Variants in KAT2B observed in about 807,000 individuals in gnomAD.
KAT2B encodes the protein lysine acetyltransferase 2B, also known as histone acetyltransferase KAT2B.
In KAT2B, 36 loss-of-function variants were observed where a neutral mutation model predicts 105.9. That is an observed-to-expected ratio of 0.34 (90% CI 0.26 to 0.45). The LOEUF (loss-of-function observed/expected upper bound fraction) is 0.45. Among genes scored for constraint, KAT2B ranks in the 20% least tolerant of loss-of-function variants. The pLI, the probability that KAT2B is intolerant of heterozygous loss-of-function variation, is 1.00. For missense variants in KAT2B, 820 were observed against 1,021.6 expected, an observed-to-expected ratio of 0.80 and a Z score of 2.69; for synonymous variants, 397 against 377.9, an observed-to-expected ratio of 1.05 and a Z score of -0.59.
At chr3:20,083,315 A>C (rs1214272320) in intron 2 of KAT2B, among the ~76,000 whole-genome samples, 1 of 152,200 alleles carries the variant, frequency 6.6e-6, no homozygotes, top group Non-Finnish European at 1.5e-5. Flanking sequence ...AAGAAAACAT[A>C]CTTTTAGATA....
chr3:20,063,699 T>A (rs1034495061), intron 1 of KAT2B, among the ~76,000 whole-genome samples: 2 of 150,822 alleles, frequency 1.3e-5, no homozygotes, highest in Non-Finnish European at 3.0e-5. Context: ...TGAGCCACCA[T>A]GCCCGGTTAA....
chr3:20,063,945 G>A (rs903610234), intron 1 of KAT2B, among the ~76,000 whole-genome samples: 4 of 152,102 alleles, frequency 2.6e-5, no homozygotes, highest in African/African-American at 7.2e-5. Context: ...CAGATACCTA[G>A]TTTTTCCAGC....
intron 1 of KAT2B, among the ~76,000 whole-genome samples, chr3:20,069,529 C>CTTTTT (rs754535544): frequency 3.7e-5 from 3 of 81,564 alleles, no homozygotes; most frequent in South Asian, 4.4e-4. Context: ...CTTTTCTTTT[C>CTTTTT]TTTTTTTTTT....
intron 1 of KAT2B, among the ~76,000 whole-genome samples, chr3:20,058,861 C>T (rs56900166): frequency 1.3e-5 from 2 of 152,282 alleles, no homozygotes; most frequent in Admixed American, 1.3e-4. Context: ...ATCTTTATCT[C>T]TTCAAATCTT....
chr3:20,130,926 G>A (rs1033967599), intron 11 of KAT2B, among the ~76,000 whole-genome samples: 32 of 150,500 alleles, frequency 2.1e-4, no homozygotes, highest in Admixed American at 6.0e-4. Flanking sequence ...GCATGCGTGC[G>A]TGTGTGTGTG....
At position 20,137,203 on chromosome 3, in the gene KAT2B, G is replaced by C. The variant is rs529916287; in HGVS notation, c.1860+151G>C. 5.1e-6 allele frequency: 3 copies of C among 592,396 alleles called. No homozygotes were observed. In the Admixed American group the frequency reaches 8.7e-5, roughly 17 times the overall value. 36.7% of individuals were successfully genotyped at this position (592,396 alleles called of 1,614,324 possible). A position where few individuals can be genotyped will look rare whatever the true frequency, so the allele number is the denominator to read the frequency against. On this transcript the variant is annotated intron_variant, in intron 12 of 17. Transcript: ENST00000263754. ...AGCCTTATGTCAAAAATAAGCTTCA[G>C]CCTGGATTAGAGAGTGTCACTAGCA...
chr3:20,090,418 G>A (rs1698696052), intron 2 of KAT2B, among the ~76,000 whole-genome samples: 1 of 152,148 alleles, frequency 6.6e-6, no homozygotes, highest in Non-Finnish European at 1.5e-5. Flanking sequence ...ATGAAAGGAT[G>A]TTGAATTTTG....
chr3:20,128,192 A>G (rs1391307218), intron 11 of KAT2B, among the ~76,000 whole-genome samples: 1 of 152,232 alleles, frequency 6.6e-6, no homozygotes, highest in Non-Finnish European at 1.5e-5. Context: ...ATGAAGGGAT[A>G]TTTGAAAAAT....
chr3:20,054,318 G>A (rs774024845), intron 1 of KAT2B, among the ~76,000 whole-genome samples: 8 of 151,988 alleles, frequency 5.3e-5, no homozygotes, highest in African/African-American at 9.7e-5. Context: ...TAGTAGAGAC[G>A]GGGTTTTACC....
At chr3:20,136,883 T>G in intron 11 of KAT2B, 59 bp from the exon 12 acceptor site, 1 of 834,504 alleles carries the variant, frequency 1.2e-6, no homozygotes, top group Middle Eastern at 3.0e-4. Context: ...TCCTGATGGA[T>G]TTGTAAAAAT....
intron 11 of KAT2B, among the ~76,000 whole-genome samples, chr3:20,127,788 C>T (rs1181447873): frequency 6.6e-6 from 1 of 152,204 alleles, no homozygotes; most frequent in African/African-American, 2.4e-5. Context: ...TGGGATGAAA[C>T]TGTTCCAGCT....
At chr3:20,121,420 C>G (rs1699305168) in intron 8 of KAT2B, among the ~76,000 whole-genome samples, 1 of 152,014 alleles carries the variant, frequency 6.6e-6, no homozygotes, top group Non-Finnish European at 1.5e-5. Flanking sequence ...ACTGGAAAAA[C>G]CAAACATGAG....
At chr3:20,045,020 T>G (rs773844740) in intron 1 of KAT2B, among the ~76,000 whole-genome samples, 1 of 152,130 alleles carries the variant, frequency 6.6e-6, no homozygotes, top group Non-Finnish European at 1.5e-5. Flanking sequence ...GTTATTTATT[T>G]ATTTATTTTT....
chr3:20,063,429 C>A (rs1045001341), intron 1 of KAT2B, among the ~76,000 whole-genome samples: 4 of 144,836 alleles, frequency 2.8e-5, no homozygotes, highest in African/African-American at 1.0e-4. Context: ...TTAAGAGATT[C>A]TTTCTTTCTT....
intron 6 of KAT2B, among the ~76,000 whole-genome samples, chr3:20,112,166 CT>C (rs5847044): frequency 0.013 from 1,784 of 141,016 alleles, 31 homozygotes; most frequent in East Asian, 0.043. Flanking sequence ...GCTCAAGTGG[CT>C]TTTTTTTTTT....
intron 5 of KAT2B, among the ~76,000 whole-genome samples, chr3:20,107,003 A>G (rs1210088066): frequency 9.2e-5 from 2 of 21,758 alleles, no homozygotes; most frequent in Non-Finnish European, 1.5e-4. Context: ...ATATATATAT[A>G]TATATATATA....
intron 1 of KAT2B, among the ~76,000 whole-genome samples, chr3:20,071,754 T>TA (rs1489435379): frequency 1.3e-5 from 2 of 152,186 alleles, no homozygotes; most frequent in African/African-American, 4.8e-5. Context: ...AACCCAGGAC[T>TA]ACATGATGAA....
chr3:20,044,423 A>T (rs2929407), intron 1 of KAT2B, among the ~76,000 whole-genome samples: 5,893 of 152,184 alleles, frequency 0.039, 148 homozygotes, highest in Middle Eastern at 0.065. Flanking sequence ...CCTAAAAAAA[A>T]AAATAAATAA....
intron 2 of KAT2B, among the ~76,000 whole-genome samples, chr3:20,087,312 CAT>C (rs1408589973): frequency 1.3e-5 from 2 of 151,882 alleles, no homozygotes; most frequent in African/African-American, 4.8e-5. Flanking sequence ...CTGGGTACCT[CAT>C]AAATATGTAC....
Sources: allele counts gnomAD v4.1 joint callset (sites outside exome capture counted in the v4.1 genomes callset), GRCh38; gene constraint gnomAD v4.1.1; transcripts MANE v1.5; gene names NCBI Gene and HGNC (gene_info 2026-07-23, HGNC 2026-07-21).